CYP4Z1: variants seen among roughly 807,000 people sequenced by gnomAD.
The protein encoded by CYP4Z1 is cytochrome P450 family 4 subfamily Z member 1.
CYP4Z1 carries 41 observed loss-of-function variants against 54.2 expected under a neutral mutation model. That is an observed-to-expected ratio of 0.76 (90% confidence interval 0.59 to 0.98). CYP4Z1 has a LOEUF of 0.98. Among genes scored for constraint, CYP4Z1 ranks in the 50% least tolerant of loss-of-function variants. The pLI, the probability that CYP4Z1 is intolerant of heterozygous loss-of-function variation, is 0.00. For missense variants in CYP4Z1, 513 were observed against 599.0 expected (o/e 0.86, Z 1.50); for synonymous variants, 163 against 206.2 (o/e 0.79, Z 1.79).
chr1:47,107,048 T>C (rs1236506449), intron 9 of CYP4Z1, among the ~76,000 whole-genome samples: 1 of 152,224 alleles, frequency 6.6e-6, no homozygotes, highest in Non-Finnish European at 1.5e-5. Context: ...TGTGCTACCA[T>C]AGTTGCCCAA....
At chr1:47,059,784 C>T in the CYP4Z1 span, among the ~76,000 whole-genome samples, 16 of 152,132 alleles carry the variant, frequency 1.1e-4, no homozygotes, top group South Asian at 2.1e-4. Flanking sequence ...TCCCCTGGGA[C>T]GGAGGCTGAT....
chr1:47,112,420 C>T (rs1163765353), intron 9 of CYP4Z1, among the ~76,000 whole-genome samples: 1 of 152,078 alleles, frequency 6.6e-6, no homozygotes, highest in Non-Finnish European at 1.5e-5. Flanking sequence ...TTTTTCAAAC[C>T]TGTAAAGACC....
At chr1:47,098,017 A>G (rs1331374466) in intron 7 of CYP4Z1, among the ~76,000 whole-genome samples, 2 of 151,924 alleles carry the variant, frequency 1.3e-5, no homozygotes, top group Non-Finnish European at 2.9e-5. Context: ...GGGTTTCACC[A>G]TGTTGGCCAG....
In CYP4Z1 at chr1:47,084,668, C is replaced by G. The variant is rs1220808443; in HGVS notation, c.541C>G (p.Gln181Glu). ...IAQNSRLELF[Q>E]HVSLMTLDSI... ...CCAAAACTCACGTCTGGAGCTCTTTCAACATGTCTCCCTGATGACCCTGGA... is the reference window on the plus strand; with the variant it reads ...CCAAAACTCACGTCTGGAGCTCTTTGAACATGTCTCCCTGATGACCCTGGA... The change falls in exon 5 of 12, where the codon CAA (glutamine) becomes GAA (glutamate). Residue 181 changes from glutamine (Q) to glutamate (E), a missense_variant. Transcript: ENST00000334194. 2.5e-6 allele frequency: 4 copies of G among 1,608,160 alleles called. No homozygotes were observed. Among genetic ancestry groups the G allele is most frequent in the Non-Finnish European group, 3.4e-6 (4 of 1,177,994 alleles).
At chr1:47,116,490 A>C (rs1180790364) in intron 10 of CYP4Z1, among the ~76,000 whole-genome samples, 160 bp from the exon 11 acceptor site, 1 of 152,164 alleles carries the variant, frequency 6.6e-6, no homozygotes, top group Non-Finnish European at 1.5e-5. Context: ...GCTTTTGGGG[A>C]ACATCAAGCA....
intron 6 of CYP4Z1, among the ~76,000 whole-genome samples, chr1:47,088,867 CT>C (rs1187453751): frequency 7.1e-6 from 1 of 141,588 alleles, no homozygotes; most frequent in Non-Finnish European, 1.5e-5. Context: ...AGCAATTTGC[CT>C]GCGTCAGCCT....
At chr1:47,068,802 A>G (rs1644471476) in intron 2 of CYP4Z1, 39 bp downstream of exon 2, 1 of 1,604,146 alleles carries the variant, frequency 6.2e-7, no homozygotes, top group Non-Finnish European at 8.5e-7. Context: ...GAGCAGCAAC[A>G]AAGAGGGTCT....
chr1:47,059,466 T>A, the CYP4Z1 span, among the ~76,000 whole-genome samples: 1 of 152,194 alleles, frequency 6.6e-6, no homozygotes, highest in Non-Finnish European at 1.5e-5. Flanking sequence ...AAGATAGTTT[T>A]ATAAAATCTA....
chr1:47,101,214 A>G (rs1016847968), intron 8 of CYP4Z1, among the ~76,000 whole-genome samples: 1 of 151,848 alleles, frequency 6.6e-6, no homozygotes, highest in Non-Finnish European at 1.5e-5. Context: ...CATTTTATTG[A>G]TCCTTGCATT....
In CYP4Z1 at chr1:47,094,698, C is replaced by T. The variant is rs184985169; in HGVS notation, c.876+29C>T. 30 of 1,536,492 alleles carry T rather than the reference C, an allele frequency of 2.0e-5. No homozygotes were observed. In the Admixed American group the frequency reaches 2.9e-4, roughly 15 times the overall value. On this transcript the variant is annotated intron_variant, in intron 7 of 11. Transcript: ENST00000334194. ...AGTCTTCTAAACTTCTGAACACATT[C>T]GACTCAATAATTAAATAATAAAGAA...
chr1:47,062,690 C>T (rs1299591416), upstream of CYP4Z1, among the ~76,000 whole-genome samples: 1 of 152,094 alleles, frequency 6.6e-6, no homozygotes, highest in African/African-American at 2.4e-5. Context: ...TGCAGCAAGC[C>T]CCGCCCAAGG....
chr1:47,110,171 T>C (rs1644783448), intron 9 of CYP4Z1, among the ~76,000 whole-genome samples: 1 of 130,524 alleles, frequency 7.7e-6, no homozygotes, highest in Non-Finnish European at 1.6e-5. Flanking sequence ...AATGGCCTAG[T>C]ATGTGCCATG....
At chr1:47,065,424 T>C (rs570254354), upstream of CYP4Z1, among the ~76,000 whole-genome samples, 1 of 152,236 alleles carries the variant, frequency 6.6e-6, no homozygotes, top group South Asian at 2.1e-4. Flanking sequence ...AACCTACTCC[T>C]GAATAATTTT....
the CYP4Z1 span, among the ~76,000 whole-genome samples, chr1:47,057,335 A>AAAAAAAAAATATATATAT: frequency 3.9e-4 from 11 of 28,466 alleles, no homozygotes; most frequent in Non-Finnish European, 9.3e-4. Flanking sequence ...AAGAAAAAAA[A>AAAAAAAAAATATATATAT]ATATATATAT....
chr1:47,113,352 G>A (rs1644806516), intron 9 of CYP4Z1, among the ~76,000 whole-genome samples: 1 of 152,032 alleles, frequency 6.6e-6, no homozygotes, highest in Non-Finnish European at 1.5e-5. Context: ...TACATCCAAA[G>A]GCTCTATACA....
At chr1:47,062,791 T>A (rs1644431015), upstream of CYP4Z1, among the ~76,000 whole-genome samples, 2 of 152,120 alleles carry the variant, frequency 1.3e-5, no homozygotes, top group East Asian at 1.9e-4. Context: ...CATAATCACT[T>A]GGGAGCACTA....
At chr1:47,096,136 C>A (rs1272146727) in intron 7 of CYP4Z1, among the ~76,000 whole-genome samples, 5 of 152,100 alleles carry the variant, frequency 3.3e-5, no homozygotes, top group Non-Finnish European at 7.4e-5. Context: ...ATTTAATTTT[C>A]TGCTGAGCAT....
At chr1:47,115,959 G>T (rs1644826945) in intron 10 of CYP4Z1, among the ~76,000 whole-genome samples, 1 of 152,128 alleles carries the variant, frequency 6.6e-6, no homozygotes, top group Admixed American at 6.5e-5. Flanking sequence ...AATTAAAGTA[G>T]CAAGATTATG....
intron 2 of CYP4Z1, among the ~76,000 whole-genome samples, chr1:47,080,177 C>T (rs1181564701): frequency 7.9e-6 from 1 of 126,202 alleles, no homozygotes; most frequent in African/African-American, 3.1e-5. Flanking sequence ...CATTTATATA[C>T]ATCTTTCTCA....
Sources: allele counts gnomAD v4.1 joint callset (sites outside exome capture counted in the v4.1 genomes callset), GRCh38; gene constraint gnomAD v4.1.1; transcripts MANE v1.5; gene names NCBI Gene and HGNC (gene_info 2026-07-23, HGNC 2026-07-21).